AFF3: variants seen among roughly 807,000 people sequenced by gnomAD.
AFF3 encodes ALF transcription elongation factor 3, also known as AF4/FMR2 family member 3.
In AFF3, 32 loss-of-function variants were observed where a neutral mutation model predicts 129.7. The ratio of observed to expected loss-of-function variants is 0.25; its 90% CI spans 0.19 to 0.33. AFF3 has a LOEUF of 0.33. AFF3 is among the 10% of genes least tolerant of loss of function. The pLI is 1.00. For missense variants in AFF3, 1,373 were observed against 1,592.0 expected (o/e 0.86, Z 2.34); for synonymous variants, 644 against 635.4 (o/e 1.01, Z -0.20).
At chr2:99,840,606 T>C (rs1689245924) in intron 7 of AFF3, among the ~76,000 whole-genome samples, 2 of 152,214 alleles carry the variant, frequency 1.3e-5, no homozygotes, top group South Asian at 4.1e-4. Flanking sequence ...TCATCCTTCC[T>C]TCTGTTTTCC....
intron 8 of AFF3, among the ~76,000 whole-genome samples, chr2:99,771,437 AT>A (rs1683481698): frequency 2.6e-5 from 4 of 151,602 alleles, no homozygotes; most frequent in African/African-American, 9.7e-5. Context: ...AACCAGAGCA[AT>A]TCACACTCAA....
At chr2:99,699,811 T>C (rs1676664839) in intron 11 of AFF3, among the ~76,000 whole-genome samples, 3 of 152,224 alleles carry the variant, frequency 2.0e-5, no homozygotes, top group Non-Finnish European at 4.4e-5. Flanking sequence ...AGAACCATAA[T>C]GGTTTCTGTG....
At chr2:99,744,178 T>C (rs1297743658) in intron 9 of AFF3, 38 bp from the exon 10 acceptor site, 2 of 1,584,476 alleles carry the variant, frequency 1.3e-6, no homozygotes, top group Non-Finnish European at 8.6e-7. Flanking sequence ...TTTCTTATTT[T>C]GACTTTCAAA....
intron 7 of AFF3, among the ~76,000 whole-genome samples, chr2:99,890,945 G>A (rs1328041352): frequency 6.6e-6 from 1 of 152,206 alleles, no homozygotes; most frequent in Admixed American, 6.5e-5. Flanking sequence ...TTCATGTGTG[G>A]TGAGGCCAAC....
At chr2:99,849,164 G>A (rs1217792911) in intron 7 of AFF3, among the ~76,000 whole-genome samples, 1 of 151,906 alleles carries the variant, frequency 6.6e-6, no homozygotes, top group Non-Finnish European at 1.5e-5. Context: ...AAAGTTACAA[G>A]CAGAACAAAT....
At chr2:99,709,676 C>T (rs1309592278) in intron 11 of AFF3, among the ~76,000 whole-genome samples, 4 of 152,266 alleles carry the variant, frequency 2.6e-5, no homozygotes, top group African/African-American at 7.2e-5. Flanking sequence ...TACTACTGTT[C>T]CAAGAAGTGA....
At chr2:99,745,968 G>A (rs1321936584) in intron 9 of AFF3, among the ~76,000 whole-genome samples, 1 of 152,104 alleles carries the variant, frequency 6.6e-6, no homozygotes, top group African/African-American at 2.4e-5. Flanking sequence ...TGGAGACTCA[G>A]AAGTGGGAGG....
At chr2:100,084,485 G>A (rs1403674823) in intron 4 of AFF3, among the ~76,000 whole-genome samples, 1 of 152,186 alleles carries the variant, frequency 6.6e-6, no homozygotes, top group Non-Finnish European at 1.5e-5. Context: ...TACAGTTCCT[G>A]CCTTCAACCA....
chr2:99,962,143 A>G (rs937087862), intron 7 of AFF3, among the ~76,000 whole-genome samples: 1 of 152,114 alleles, frequency 6.6e-6, no homozygotes, highest in Admixed American at 6.5e-5. Flanking sequence ...TACATACTCC[A>G]CTGCTCCACA....
chr2:100,044,401 C>T (rs1458715563), intron 4 of AFF3, among the ~76,000 whole-genome samples: 1 of 152,032 alleles, frequency 6.6e-6, no homozygotes, highest in African/African-American at 2.4e-5. Flanking sequence ...AAACACTGAA[C>T]GTATTCAGAA....
chr2:99,945,665 T>C (rs1216906023), intron 7 of AFF3, among the ~76,000 whole-genome samples: 1 of 152,196 alleles, frequency 6.6e-6, no homozygotes, highest in Non-Finnish European at 1.5e-5. Context: ...CCAGGTTATG[T>C]AAACAACTCT....
At chr2:99,889,949 C>G (rs184122335) in intron 7 of AFF3, among the ~76,000 whole-genome samples, 1 of 152,172 alleles carries the variant, frequency 6.6e-6, no homozygotes, top group Admixed American at 6.5e-5. Flanking sequence ...CATGAGCCAC[C>G]GCATCCAGCC....
At chr2:99,767,759 C>T (rs1683144499) in intron 8 of AFF3, among the ~76,000 whole-genome samples, 1 of 152,146 alleles carries the variant, frequency 6.6e-6, no homozygotes, top group Admixed American at 6.5e-5. Context: ...AGATTGAGAC[C>T]ACGGTGAAAC....
At chr2:99,823,631 T>C (rs1264155568) in intron 8 of AFF3, among the ~76,000 whole-genome samples, 1 of 152,188 alleles carries the variant, frequency 6.6e-6, no homozygotes, top group East Asian at 1.9e-4. Flanking sequence ...CATAGAAAGA[T>C]ACTTAAAAAA....
intron 10 of AFF3, among the ~76,000 whole-genome samples, chr2:99,738,382 T>C (rs1680431913): frequency 6.6e-6 from 1 of 152,138 alleles, no homozygotes; most frequent in Admixed American, 6.5e-5. Context: ...GCTATTATCA[T>C]CCCTTCTATT....
chr2:99,723,966 C>T (rs1679132305), intron 11 of AFF3, among the ~76,000 whole-genome samples: 1 of 152,146 alleles, frequency 6.6e-6, no homozygotes, highest in African/African-American at 2.4e-5. Flanking sequence ...GGGATAACTC[C>T]TCTCTTTACA....
chr2:99,970,722 C>T (rs775899225), intron 7 of AFF3, among the ~76,000 whole-genome samples: 2 of 152,176 alleles, frequency 1.3e-5, no homozygotes, highest in African/African-American at 2.4e-5. Context: ...CCCCTAGTGA[C>T]GCAGGGGCTT....
intron 7 of AFF3, among the ~76,000 whole-genome samples, chr2:99,982,859 C>A (rs1679535960): frequency 6.6e-6 from 1 of 152,108 alleles, no homozygotes; most frequent in Non-Finnish European, 1.5e-5. Context: ...GAAAGTTCAA[C>A]AGTGGAGGAA....
chr2:99,606,402 T>C (rs1190301032), intron 13 of AFF3, among the ~76,000 whole-genome samples: 1 of 152,200 alleles, frequency 6.6e-6, no homozygotes, highest in Non-Finnish European at 1.5e-5. Context: ...CACGGTGCCA[T>C]TTGACAGCAG....
Sources: gnomAD v4.1 joint callset for allele counts (sites outside exome capture counted in the v4.1 genomes callset) on GRCh38, gnomAD v4.1.1 for gene constraint, MANE v1.5 for transcripts, NCBI Gene and HGNC (gene_info 2026-07-23, HGNC 2026-07-21) for gene names.